Variants in SRCIN1 observed in about 807,000 individuals in gnomAD.
SRCIN1 encodes the protein SRC kinase signaling inhibitor 1.
Under a neutral mutation model 116.2 loss-of-function variants are expected in SRCIN1, and 50 were observed. The observed-to-expected ratio is 0.43, with a 90% CI of 0.34 to 0.54. SRCIN1 has a LOEUF of 0.54. Among genes scored for constraint, SRCIN1 ranks in the 20% least tolerant of loss-of-function variants. The pLI is 0.02. For missense variants in SRCIN1, 1,446 were observed against 1,672.0 expected (o/e 0.86, Z 2.36); for synonymous variants, 736 against 750.0 (o/e 0.98, Z 0.30).
Position 38,568,245 on chromosome 17 carries a change from TA to T in SRCIN1, c.325-15del. 6.2e-7 allele frequency: 1 copy of T among 1,612,174 alleles called. No individual in the cohort carries two copies. Among genetic ancestry groups the T allele is most frequent in the Non-Finnish European group, 8.5e-7 (1 of 1,179,338 alleles). On this transcript the variant is annotated splice_polypyrimidine_tract_variant and intron_variant, in intron 2 of 18. Transcript: ENST00000617146. This position sits in a 1 kb window ranked among gnomAD's most constrained non-coding sequence, Gnocchi z 4.5. ...CCAGTAGTTTGGCTGCTGATGGAAA[TA>T]AGAGAAGAGATGGTTATGAGGGGGC...
At chr17:38,555,738 G>A (rs1378692301) in intron 11 of SRCIN1, among the ~76,000 whole-genome samples, 2 of 152,090 alleles carry the variant, frequency 1.3e-5, no homozygotes, top group Non-Finnish European at 1.5e-5. Context: ...CATCAGCCAC[G>A]CTGCCCCCAA....
intron 2 of SRCIN1, among the ~76,000 whole-genome samples, chr17:38,569,419 A>T (rs1272320185): frequency 2.6e-5 from 4 of 152,196 alleles, no homozygotes; most frequent in African/African-American, 9.7e-5. Flanking sequence ...GGAGAGGGAC[A>T]TCGAAGGCGC....
chr17:38,547,760 T>C, intron 17 of SRCIN1: 1 of 319,184 alleles, frequency 3.1e-6, no homozygotes, highest in South Asian at 2.3e-5. Flanking sequence ...CCCCGTTACC[T>C]TCCGTGTAGG....
chr17:38,559,666 C>G lies in SRCIN1; in HGVS notation c.1944G>C (p.Leu648=). 6.2e-7 allele frequency: 1 copy of G among 1,601,652 alleles called. No individual in the cohort carries two copies. The highest frequency in any genetic ancestry group is 1.1e-5 in the South Asian group (1 of 90,834). The stretch of plus-strand genomic sequence containing the variant: ...GGCCTCGCAGGTGAAGCTGCATCTG[C>G]AGCCGGCTAACGGCGGTAGGCTGAC... The part of the protein sequence containing the change: ...PAGQPTAVSR[L]QMQLHLRGLQ... Residue 648 remains leucine (L), a synonymous_variant, in exon 10 of 19, where the codon CTG becomes CTC. Transcript: ENST00000617146.
rs1468552423 is a variant in SRCIN1 at position 38,544,277 on chromosome 17, C to A, written c.3271-308G>T. ...TGATGCCCTCCTTGGGGAGCCTCTGCTAAAGTGAGGGTCCCCAGCAGCAAC... is the reference window on the plus strand; with the variant it reads ...TGATGCCCTCCTTGGGGAGCCTCTGATAAAGTGAGGGTCCCCAGCAGCAAC... On this transcript the variant is annotated intron_variant, in intron 17 of 18. Transcript: ENST00000617146. This position sits in a 1 kb window ranked among gnomAD's most constrained non-coding sequence, Gnocchi z 4.5. 6.6e-6 allele frequency among the ~76,000 whole-genome samples: 1 copy of A among 152,084 alleles called. No individual in the cohort carries two copies. The highest frequency in any genetic ancestry group is 6.5e-5 in the Admixed American group (1 of 15,286).
chr17:38,540,390 G>A (rs976742313), intron 18 of SRCIN1, among the ~76,000 whole-genome samples: 1 of 152,212 alleles, frequency 6.6e-6, no homozygotes, highest in Non-Finnish European at 1.5e-5. Context: ...GAGAGGCCTT[G>A]GGCACCGCCC....
chr17:38,563,593 C>A lies in SRCIN1; in HGVS notation c.542-72G>T, dbSNP rs758725569. 1.1e-4 allele frequency: 168 copies of A among 1,525,654 alleles called. No homozygotes were observed. Among genetic ancestry groups the A allele is most frequent in the Non-Finnish European group, 1.4e-4 (157 of 1,136,722 alleles). 94.5% of individuals were successfully genotyped at this position (1,525,654 alleles called of 1,614,324 possible). A position where few individuals can be genotyped will look rare whatever the true frequency, so the allele number is the denominator to read the frequency against. Reference sequence around the variant, plus strand: ...CCGCCCTCCAGGAGAGCGCGGGGAGCTTTTCGGAGCTGCGCCAGCCCCGCA... The same window carrying A: ...CCGCCCTCCAGGAGAGCGCGGGGAGATTTTCGGAGCTGCGCCAGCCCCGCA... On this transcript the variant is annotated intron_variant, in intron 4 of 18. Coordinates refer to ENST00000617146, the MANE Select transcript of SRCIN1 (RefSeq NM_025248.3). The surrounding 1 kb of genome is among the most constrained non-coding windows in gnomAD (Gnocchi z 5.8).
At chr17:38,538,943 C>T (rs1271627875) in intron 18 of SRCIN1, among the ~76,000 whole-genome samples, 6 of 152,188 alleles carry the variant, frequency 3.9e-5, no homozygotes, top group African/African-American at 9.7e-5. Context: ...ATGCACATGA[C>T]GAGATGATGC....
chr17:38,543,206 G>T, intron 18 of SRCIN1: 1 of 456,674 alleles, frequency 2.2e-6, no homozygotes, highest in South Asian at 1.5e-5. Context: ...AAAGTGCCTC[G>T]CCCTGTCCCC....
chr17:38,595,863 C>T (rs546370410), intron 1 of SRCIN1, among the ~76,000 whole-genome samples: 1 of 152,262 alleles, frequency 6.6e-6, no homozygotes, highest in Non-Finnish European at 1.5e-5. Flanking sequence ...CGTGCACATA[C>T]AGACATGTTC....
chr17:38,552,823 C>G lies in SRCIN1; in HGVS notation c.2234G>C (p.Arg745Thr). 1 of 1,613,974 alleles carries G rather than the reference C, an allele frequency of 6.2e-7. No individual in the cohort carries two copies. Among genetic ancestry groups the G allele is most frequent in the Non-Finnish European group, 8.5e-7 (1 of 1,179,882 alleles). Reference protein sequence around the residue: ...DLEKSVEKIQRDVSHNHRLVP... With the variant: ...DLEKSVEKIQTDVSHNHRLVP... The stretch of plus-strand genomic sequence containing the variant: ...CAGCCGGTGGTTGTGGGACACGTCT[C>G]TCTGGATCTTCTCCACCGATTTCTC... Residue 745 changes from arginine to threonine, a missense_variant, in exon 12 of 19, where the codon AGA becomes ACA. Arg to Thr is a moderately conservative substitution (Grantham distance 71). Coordinates refer to ENST00000617146, the MANE Select transcript of SRCIN1 (RefSeq NM_025248.3). This position sits in a 1 kb window ranked among gnomAD's most constrained non-coding sequence, Gnocchi z 5.3.
chr17:38,566,951 CTCTT>C (rs1298364315), intron 3 of SRCIN1, among the ~76,000 whole-genome samples: 45 of 139,070 alleles, frequency 3.2e-4, no homozygotes, highest in African/African-American at 1.1e-3. Flanking sequence ...CTCTCTTTCT[CTCTT>C]TCTTTCTTCT....
At chr17:38,537,126 C>T (rs1039022916) in intron 18 of SRCIN1, among the ~76,000 whole-genome samples, 6 of 151,316 alleles carry the variant, frequency 4.0e-5, no homozygotes, top group African/African-American at 1.5e-4. Flanking sequence ...TGCAGTGAGC[C>T]GAGATCGCAC....
Position 38,562,876 on chromosome 17 carries a change from G to T in SRCIN1, c.785C>A (p.Pro262His). ...TGAGCCAGGGAAGGCAGCGTAGAGG[G>T]GCTCCTTTCTGTAGATCTTGATAAT... ...RSIIKIYRKE[P>H]LYAAFPGSHL... The change falls in exon 6 of 19, where the codon CCC becomes CAC. Residue 262 changes from proline (P) to histidine (H), a missense_variant. Physicochemically the swap from Pro to His is moderately conservative, Grantham distance 77. Transcript: ENST00000617146. The surrounding 1 kb of genome is among the most constrained non-coding windows in gnomAD (Gnocchi z 4.2). 1.2e-6 allele frequency: 2 copies of T among 1,613,782 alleles called. No homozygotes were observed. The highest frequency in any genetic ancestry group is 1.7e-6 in the Non-Finnish European group (2 of 1,179,816).
chr17:38,563,015 C>A lies in SRCIN1; in HGVS notation c.741-95G>T, dbSNP rs1228894605. The A allele has an allele frequency of 6.4e-6, 7 of 1,089,460 alleles. No homozygotes were observed. The highest frequency in any genetic ancestry group is 9.5e-6 in the Non-Finnish European group (7 of 736,538). 67.5% of individuals were successfully genotyped at this position (1,089,460 alleles called of 1,614,324 possible). ...TCCAGGCCTAGAGAAGAGGGGTGGC[C>A]AGAGGCACCGGGAGCCCCATCTCAG... On this transcript the variant is annotated intron_variant, in intron 5 of 18. Coordinates refer to ENST00000617146, the MANE Select transcript of SRCIN1 (RefSeq NM_025248.3). This position sits in a 1 kb window ranked among gnomAD's most constrained non-coding sequence, Gnocchi z 5.8.
At chr17:38,581,241 C>T (rs1404848011) in intron 1 of SRCIN1, among the ~76,000 whole-genome samples, 7 of 152,016 alleles carry the variant, frequency 4.6e-5, no homozygotes, top group African/African-American at 1.4e-4. Flanking sequence ...CCCATCTCTA[C>T]TAAAAATACA....
At chr17:38,588,538 G>C (rs1908265070) in intron 1 of SRCIN1, among the ~76,000 whole-genome samples, 2 of 152,046 alleles carry the variant, frequency 1.3e-5, no homozygotes, top group Non-Finnish European at 2.9e-5. Context: ...GGGAAGGGAG[G>C]AAGGCCGGTG....
chr17:38,561,577 C>A lies in SRCIN1; in HGVS notation c.1586G>T (p.Ser529Ile), dbSNP rs745615906. 6.2e-7 allele frequency: 1 copy of A among 1,602,000 alleles called. No individual in the cohort carries two copies. The highest frequency in any genetic ancestry group is 8.5e-7 in the Non-Finnish European group (1 of 1,175,598). The change falls in exon 7 of 19, where the codon AGC becomes ATC. Residue 529 changes from serine (S) to isoleucine (I), a missense_variant. Physicochemically the swap from Ser to Ile is moderately radical, Grantham distance 142. Transcript: ENST00000617146. ...TCCGGCCGTCGAGGCGCTCCCCGCGCTGCGGGTCTTCCCTCCAGGACTCTC... is the reference window on the plus strand; with the variant it reads ...TCCGGCCGTCGAGGCGCTCCCCGCGATGCGGGTCTTCCCTCCAGGACTCTC... ...FAESPGGKTR[S>I]AGSASTAGAP...
chr17:38,567,572 G>A (rs1906805179), intron 3 of SRCIN1, among the ~76,000 whole-genome samples: 1 of 152,136 alleles, frequency 6.6e-6, no homozygotes, highest in Admixed American at 6.5e-5. Context: ...ACTCCAGGAG[G>A]CAAGCAGGTG....
Sources: allele counts gnomAD v4.1 joint callset (sites outside exome capture counted in the v4.1 genomes callset), GRCh38; gene constraint gnomAD v4.1.1; non-coding constraint Gnocchi (gnomAD v3.1); transcripts MANE v1.5; gene names NCBI Gene and HGNC (gene_info 2026-07-23, HGNC 2026-07-21).